The following UPRT variants were observed in gnomAD, a reference collection of about 807,000 sequenced individuals.
UPRT encodes the protein uracil phosphoribosyltransferase homolog.
Under a neutral mutation model 22.6 loss-of-function variants are expected in UPRT, and 5 were observed. The observed-to-expected ratio is 0.22, with a 90% CI of 0.12 to 0.47. UPRT has a LOEUF of 0.47. Ranked by LOEUF, UPRT falls within the 20% of genes least tolerant of loss-of-function variation. The pLI is 0.99. For synonymous variants in UPRT, 77 were observed against 87.7 expected (o/e 0.88, Z 0.68); for missense variants, 181 against 239.9 (o/e 0.75, Z 1.62).
At chrX:75,294,004 C>T (rs745689017) in intron 2 of UPRT, among the ~76,000 whole-genome samples, 1 of 111,002 alleles carries the variant, frequency 9.0e-6, no homozygotes, top group South Asian at 3.8e-4. Flanking sequence ...ATGGTTTCCT[C>T]AGGCACTTCC....
chrX:75,256,379 G>C (rs745340021), intron 4 of UPRT, among the ~76,000 whole-genome samples: 18 of 111,758 alleles, frequency 1.6e-4, no homozygotes, highest in African/African-American at 5.8e-4. Context: ...TAAGAGGAAA[G>C]TTCATAGCCA....
At position 75,175,123 on chromosome X, in the gene UPRT, C is replaced by T. The variant is rs779502017; in HGVS notation, c.-447+7244C>T. ...CCATTTTTATGGCTTTGTCAGTGTA[C>T]GATTCCTACCTCTTTGTGTTTTTGC... On this transcript the variant is annotated intron_variant, in intron 4 of 13. Transcript: ENST00000652605. Among the ~76,000 whole-genome samples, 9 of 110,883 alleles carry T rather than the reference C, an allele frequency of 8.1e-5. No individual in the cohort carries two copies. The East Asian group carries it at 2.6e-3, about 32-fold the overall frequency.
At chrX:75,283,317 C>T (rs185745330) in intron 1 of UPRT, among the ~76,000 whole-genome samples, 109 of 111,106 alleles carry the variant, frequency 9.8e-4, no homozygotes, top group African/African-American at 3.3e-3. Flanking sequence ...ATTGATTGTG[C>T]TCTTTGTTGT....
intron 4 of UPRT, among the ~76,000 whole-genome samples, chrX:75,233,357 A>T (rs2082446677): frequency 9.0e-6 from 1 of 111,593 alleles, no homozygotes; most frequent in African/African-American, 3.3e-5. Flanking sequence ...GTTGGAAAAC[A>T]CTCTGCAGGA....
Position 75,296,431 on chromosome X carries a change from T to C in UPRT, c.499+20T>C, listed in dbSNP as rs375573721. 1.7e-6 allele frequency: 2 copies of C among 1,189,496 alleles called. No individual in the cohort carries two copies. The highest frequency in any genetic ancestry group is 2.3e-6 in the Non-Finnish European group (2 of 878,814). ...CAACAGGTAACTAGGGCTGTTATTC[T>C]CAAATTTTCCTCATAAAAATTCTGA... On this transcript the variant is annotated intron_variant, in intron 3 of 6. Coordinates refer to ENST00000373383, the MANE Select transcript of UPRT (RefSeq NM_145052.4).
At chrX:75,186,216 G>A (rs1236654528) in intron 4 of UPRT, among the ~76,000 whole-genome samples, 6 of 110,035 alleles carry the variant, frequency 5.5e-5, no homozygotes, top group African/African-American at 2.0e-4. Context: ...ATTCTGGTAT[G>A]GTGTGTGTTT....
chrX:75,219,627 A>G (rs1406993566), intron 4 of UPRT, among the ~76,000 whole-genome samples: 1 of 111,797 alleles, frequency 8.9e-6, no homozygotes, highest in African/African-American at 3.2e-5. Context: ...TTTAATGAAC[A>G]GGAAAGCAAA....
chrX:75,275,057 G>C (rs1034744908), intron 1 of UPRT, among the ~76,000 whole-genome samples: 2 of 110,920 alleles, frequency 1.8e-5, no homozygotes, highest in Non-Finnish European at 1.9e-5. Context: ...ATCACCTCAG[G>C]TTCATAAATA....
chrX:75,204,278 G>A (rs1009752532), intron 4 of UPRT, among the ~76,000 whole-genome samples: 1 of 111,808 alleles, frequency 8.9e-6, no homozygotes, highest in Non-Finnish European at 1.9e-5. Flanking sequence ...TGTACAGGCT[G>A]TTGGGTATAT....
chrX:75,290,306 G>A (rs1272049200), intron 1 of UPRT, among the ~76,000 whole-genome samples: 2 of 109,488 alleles, frequency 1.8e-5, no homozygotes, highest in East Asian at 2.8e-4. Flanking sequence ...AAAAACAACA[G>A]ATCTTGGCAA....
At chrX:75,290,066 A>G (rs1161842529) in intron 1 of UPRT, among the ~76,000 whole-genome samples, 2 of 112,377 alleles carry the variant, frequency 1.8e-5, no homozygotes, top group Non-Finnish European at 3.8e-5. Flanking sequence ...ACAAAGGTGT[A>G]ATATCCAGAA....
chrX:75,227,928 T>A (rs1414527154), intron 4 of UPRT, among the ~76,000 whole-genome samples: 1 of 112,326 alleles, frequency 8.9e-6, no homozygotes, highest in Non-Finnish European at 1.9e-5. Flanking sequence ...CATTGCCTCT[T>A]TTCTTTTTAT....
chrX:75,165,525 C>T (rs1391511008), intron 3 of UPRT, among the ~76,000 whole-genome samples: 1 of 111,214 alleles, frequency 9.0e-6, no homozygotes, highest in South Asian at 3.8e-4. Context: ...ACAGGGATTA[C>T]AATTCTCCAA....
intron 4 of UPRT, among the ~76,000 whole-genome samples, chrX:75,193,691 T>A (rs1424058395): frequency 9.0e-6 from 1 of 111,721 alleles, no homozygotes; most frequent in Non-Finnish European, 1.9e-5. Flanking sequence ...CTCAGTTACT[T>A]CAGAGAGCCA....
rs1463621420 is a variant in UPRT at position 75,183,917 on chromosome X, A to G, written c.-447+16038A>G. On this transcript the variant is annotated intron_variant, in intron 4 of 13. Coordinates refer to the UPRT transcript ENST00000652605. ...GGTTTGAGTTCTTTGTAGATTCTGG[A>G]TATTAGCCCTTTGTCAGATGAGTAG... is the stretch of plus-strand genomic sequence containing the variant. Among the ~76,000 whole-genome samples the G allele has an allele frequency of 2.7e-5, 3 of 111,534 alleles. No homozygotes were observed. The East Asian group carries it at 8.4e-4, about 31-fold the overall frequency.
chrX:75,262,884 T>C (rs1207005829), intron 4 of UPRT, among the ~76,000 whole-genome samples: 1 of 111,352 alleles, frequency 9.0e-6, no homozygotes, highest in Non-Finnish European at 1.9e-5. Context: ...CTGTCAATAT[T>C]TGACAGATCA....
intron 1 of UPRT, among the ~76,000 whole-genome samples, chrX:75,291,882 G>T (rs1007966337): frequency 1.9e-4 from 21 of 111,202 alleles, no homozygotes; most frequent in African/African-American, 5.9e-4. Context: ...AGAGAAAGCA[G>T]GTGCTTATTG....
intron 4 of UPRT, among the ~76,000 whole-genome samples, chrX:75,205,565 G>A (rs2082363481): frequency 9.0e-6 from 1 of 110,895 alleles, no homozygotes; most frequent in Non-Finnish European, 1.9e-5. Context: ...TGGATCTTGT[G>A]CTCTTTTTAG....
At chrX:75,174,334 G>A (rs2082239893) in intron 4 of UPRT, among the ~76,000 whole-genome samples, 1 of 111,805 alleles carries the variant, frequency 8.9e-6, no homozygotes, top group East Asian at 2.8e-4. Context: ...GGGGTCCCCA[G>A]TAGAAGTTGT....
Sources: allele counts gnomAD v4.1 joint callset (sites outside exome capture counted in the v4.1 genomes callset), GRCh38; gene constraint gnomAD v4.1.1; transcripts MANE v1.5; gene names NCBI Gene and HGNC (gene_info 2026-07-23, HGNC 2026-07-21).